The following TENM3 variants were observed in gnomAD, a reference collection of about 807,000 sequenced individuals.
The protein encoded by TENM3 is teneurin transmembrane protein 3.
A neutral mutation model predicts 255.1 loss-of-function variants in TENM3; 63 were observed. The observed-to-expected ratio is 0.25, with a 90% CI of 0.20 to 0.30. TENM3 has a LOEUF of 0.30. Ranked by LOEUF, TENM3 falls within the 10% of genes least tolerant of loss-of-function variation. The pLI is 1.00. For synonymous variants in TENM3, 1,306 were observed against 1,322.3 expected, an observed-to-expected ratio of 0.99 and a Z score of 0.27; for missense variants, 2,929 against 3,461.1, an observed-to-expected ratio of 0.85 and a Z score of 3.86.
At chr4:182,366,765 T>C (rs990662752) in intron 3 of TENM3, among the ~76,000 whole-genome samples, 2 of 152,168 alleles carry the variant, frequency 1.3e-5, no homozygotes, top group Non-Finnish European at 2.9e-5. Context: ...GTGTAATGTG[T>C]AACCTTTAGA....
At chr4:182,389,232 G>A (rs984380782) in intron 3 of TENM3, among the ~76,000 whole-genome samples, 10 of 152,078 alleles carry the variant, frequency 6.6e-5, no homozygotes, top group African/African-American at 2.4e-4. Flanking sequence ...ACAGTTTTGT[G>A]TTTCCACTAA....
At chr4:182,459,149 G>T (rs1400644327) in intron 3 of TENM3, among the ~76,000 whole-genome samples, 2 of 152,086 alleles carry the variant, frequency 1.3e-5, no homozygotes, top group Non-Finnish European at 2.9e-5. Flanking sequence ...TGACTAACCA[G>T]CATTTCAAAA....
the TENM3 span, among the ~76,000 whole-genome samples, chr4:182,123,642 A>G: frequency 4.6e-5 from 7 of 152,208 alleles, no homozygotes; most frequent in African/African-American, 1.7e-4. Flanking sequence ...AACAATTACA[A>G]TAGTAACATC....
chr4:181,487,727 G>A, the TENM3 span, among the ~76,000 whole-genome samples: 6 of 151,960 alleles, frequency 3.9e-5, no homozygotes, highest in Non-Finnish European at 8.8e-5. Flanking sequence ...TGACCTCCCA[G>A]AAATTCAGAT....
chr4:182,591,539 A>G (rs1481659220), intron 3 of TENM3, among the ~76,000 whole-genome samples: 1 of 152,270 alleles, frequency 6.6e-6, no homozygotes. Flanking sequence ...ATATTGCATC[A>G]TAACAATGTT....
chr4:182,028,285 C>A, the TENM3 span, among the ~76,000 whole-genome samples: 3 of 152,130 alleles, frequency 2.0e-5, no homozygotes, highest in African/African-American at 7.2e-5. Flanking sequence ...ACTAATGATA[C>A]TTTGAATTTC....
At chr4:181,681,670 T>C in the TENM3 span, among the ~76,000 whole-genome samples, 4 of 152,146 alleles carry the variant, frequency 2.6e-5, no homozygotes, top group Non-Finnish European at 4.4e-5. Flanking sequence ...CGACTCACGA[T>C]GATACATCAA....
chr4:182,092,417 G>C, the TENM3 span, among the ~76,000 whole-genome samples: 7 of 152,232 alleles, frequency 4.6e-5, no homozygotes, highest in African/African-American at 1.7e-4. Flanking sequence ...GGAGGCCAAG[G>C]TGGGGGGATT....
chr4:181,545,661 G>C, the TENM3 span, among the ~76,000 whole-genome samples: 6,695 of 152,120 alleles, frequency 0.044, 224 homozygotes, highest in South Asian at 0.15. Flanking sequence ...TTTGGGTTAC[G>C]TTTTATTTTC....
At chr4:182,160,224 G>A (rs974128624) in intron 1 of TENM3, among the ~76,000 whole-genome samples, 6 of 151,536 alleles carry the variant, frequency 4.0e-5, no homozygotes, top group Non-Finnish European at 5.9e-5. Flanking sequence ...GGATGGTCTC[G>A]ATCTCCTGAC....
At chr4:182,044,874 A>G in the TENM3 span, among the ~76,000 whole-genome samples, 1 of 152,354 alleles carries the variant, frequency 6.6e-6, no homozygotes, top group East Asian at 1.9e-4. Context: ...CTGCCTCAAC[A>G]GGGATTGGAA....
the TENM3 span, among the ~76,000 whole-genome samples, chr4:181,754,926 A>T: frequency 3.7e-4 from 56 of 152,134 alleles, no homozygotes; most frequent in African/African-American, 1.4e-3. Flanking sequence ...GATTATTGTT[A>T]CCTTTCCAAA....
chr4:182,214,001 CT>C (rs1281486498), intron 1 of TENM3, among the ~76,000 whole-genome samples: 4 of 152,090 alleles, frequency 2.6e-5, no homozygotes, highest in Admixed American at 6.6e-5. Flanking sequence ...CGGGGTTTCA[CT>C]TGTGTTAGCC....
At chr4:182,262,795 G>T (rs1192428466) in intron 1 of TENM3, among the ~76,000 whole-genome samples, 1 of 145,432 alleles carries the variant, frequency 6.9e-6, no homozygotes, top group Non-Finnish European at 1.5e-5. Context: ...CTCACTCCAA[G>T]CTCCGCCTCC....
intron 3 of TENM3, among the ~76,000 whole-genome samples, chr4:182,351,806 G>A (rs945415308): frequency 6.6e-6 from 1 of 152,102 alleles, no homozygotes; most frequent in Non-Finnish European, 1.5e-5. Flanking sequence ...TCACCATTCC[G>A]TGCCATGGTT....
chr4:181,686,511 A>G, the TENM3 span, among the ~76,000 whole-genome samples: 2 of 152,086 alleles, frequency 1.3e-5, no homozygotes, highest in Non-Finnish European at 1.5e-5. Flanking sequence ...TTATTTTTTC[A>G]ATAAACATTT....
intron 13 of TENM3, among the ~76,000 whole-genome samples, chr4:182,726,203 C>A (rs931947900): frequency 6.6e-6 from 1 of 152,168 alleles, no homozygotes; most frequent in African/African-American, 2.4e-5. Context: ...CTTATTAAGC[C>A]TTTCCCCCCT....
chr4:181,971,491 T>A, the TENM3 span, among the ~76,000 whole-genome samples: 22,361 of 152,116 alleles, frequency 0.15, 2,015 homozygotes, highest in Middle Eastern at 0.27. Context: ...CATACTAACT[T>A]AATATAGTTC....
intron 3 of TENM3, among the ~76,000 whole-genome samples, chr4:182,450,628 C>T (rs2151316117): frequency 6.6e-6 from 1 of 152,278 alleles, no homozygotes; most frequent in Middle Eastern, 3.4e-3. Context: ...GACTGAAACT[C>T]ACAAAAATAT....
Sources: allele counts gnomAD v4.1 joint callset (sites outside exome capture counted in the v4.1 genomes callset), GRCh38; gene constraint gnomAD v4.1.1; transcripts MANE v1.5; gene names NCBI Gene and HGNC (gene_info 2026-07-23, HGNC 2026-07-21).